The following SSH2 variants were observed in gnomAD, a reference collection of about 807,000 sequenced individuals.
SSH2 encodes the protein protein phosphatase Slingshot homolog 2.
SSH2 carries 37 observed loss-of-function variants against 135.2 expected under a neutral mutation model. The observed-to-expected ratio is 0.27, with a 90% CI of 0.21 to 0.36. The LOEUF (loss-of-function observed/expected upper bound fraction) is 0.36, where lower values mean the gene tolerates loss of function less well. Among genes scored for constraint, SSH2 ranks in the 10% least tolerant of loss-of-function variants. The pLI is 1.00. For synonymous variants in SSH2, 628 were observed against 646.2 expected, an observed-to-expected ratio of 0.97 and a Z score of 0.43; for missense variants, 1,408 against 1,765.3, an observed-to-expected ratio of 0.80 and a Z score of 3.63.
chr17:29,647,421 T>G (rs890975143), intron 14 of SSH2, among the ~76,000 whole-genome samples: 26 of 151,542 alleles, frequency 1.7e-4, no homozygotes, highest in Admixed American at 1.2e-3. Context: ...GAATTTCAGC[T>G]AAGCCTCGCA....
chr17:29,688,313 G>A (rs187349747), intron 5 of SSH2, among the ~76,000 whole-genome samples: 4 of 151,960 alleles, frequency 2.6e-5, no homozygotes, highest in African/African-American at 9.7e-5. Flanking sequence ...CCGGCCAGAT[G>A]TCTCTTTAAA....
chr17:29,716,800 AC>A, intron 3 of SSH2: 1 of 407,492 alleles, frequency 2.5e-6, no homozygotes, highest in Non-Finnish European at 4.6e-6. Flanking sequence ...CAATTTTTCT[AC>A]CCACTGGCAT....
At chr17:29,731,495 G>A (rs187562522) in intron 3 of SSH2, among the ~76,000 whole-genome samples, 11 of 150,270 alleles carry the variant, frequency 7.3e-5, no homozygotes, top group East Asian at 5.9e-4. Flanking sequence ...TCACTCTGTC[G>A]TCCAGGCTGG....
chr17:29,855,743 T>A (rs752039703), intron 1 of SSH2: 2 of 158,520 alleles, frequency 1.3e-5, no homozygotes, highest in African/African-American at 4.8e-5. Context: ...AATTCTTTCC[T>A]GTATCTACTG....
At chr17:29,673,642 A>G (rs1478329060) in intron 8 of SSH2, among the ~76,000 whole-genome samples, 1 of 152,060 alleles carries the variant, frequency 6.6e-6, no homozygotes, top group Non-Finnish European at 1.5e-5. Context: ...AAAATTAGGG[A>G]CCTCACAGAA....
At chr17:29,895,033 T>C (rs1034555453) in intron 1 of SSH2, among the ~76,000 whole-genome samples, 3 of 151,488 alleles carry the variant, frequency 2.0e-5, no homozygotes, top group Admixed American at 6.6e-5. Context: ...TTCTCTGACA[T>C]AGACTCTCCA....
chr17:29,869,349 A>C (rs1190136735), intron 1 of SSH2, among the ~76,000 whole-genome samples: 2 of 152,150 alleles, frequency 1.3e-5, no homozygotes, highest in African/African-American at 2.4e-5. Flanking sequence ...ATCCAAGCCA[A>C]CCATAACTTA....
At chr17:29,698,102 T>C (rs1311689341) in intron 4 of SSH2, among the ~76,000 whole-genome samples, 2 of 152,328 alleles carry the variant, frequency 1.3e-5, no homozygotes, top group Middle Eastern at 3.4e-3. Flanking sequence ...AATCCATTCA[T>C]ATGAATCCAT....
intron 11 of SSH2, among the ~76,000 whole-genome samples, chr17:29,658,719 T>C (rs2036893233): frequency 6.6e-6 from 1 of 151,836 alleles, no homozygotes; most frequent in South Asian, 2.1e-4. Flanking sequence ...AATACAAAAT[T>C]AGCCAGGTGT....
intron 4 of SSH2, 51 bp from the exon 5 acceptor site, chr17:29,695,574 CAG>C: frequency 6.6e-7 from 1 of 1,504,066 alleles, no homozygotes; most frequent in Non-Finnish European, 9.2e-7. Flanking sequence ...CTAATGTTGA[CAG>C]AGAGGATTCC....
chr17:29,850,201 C>G (rs1188504786), intron 1 of SSH2, among the ~76,000 whole-genome samples: 1 of 152,002 alleles, frequency 6.6e-6, no homozygotes, highest in Non-Finnish European at 1.5e-5. Flanking sequence ...TAGCTGGTAA[C>G]ATAGGAGTAT....
chr17:29,731,569 C>T (rs1459473105), intron 3 of SSH2, among the ~76,000 whole-genome samples: 1 of 152,030 alleles, frequency 6.6e-6, no homozygotes, highest in African/African-American at 2.4e-5. Flanking sequence ...GATTCTCGTG[C>T]CTCAGCCTCC....
At chr17:29,910,242 C>T (rs531025121) in intron 1 of SSH2, among the ~76,000 whole-genome samples, 1 of 152,146 alleles carries the variant, frequency 6.6e-6, no homozygotes, top group Non-Finnish European at 1.5e-5. Flanking sequence ...AGCCACCATG[C>T]CCAGCTCACT....
intron 3 of SSH2, among the ~76,000 whole-genome samples, chr17:29,771,623 A>C (rs1270820384): frequency 6.6e-6 from 1 of 152,182 alleles, no homozygotes; most frequent in Admixed American, 6.5e-5. Flanking sequence ...TCACACACAG[A>C]ATTCAGTAGA....
At chr17:29,847,749 C>A (rs1419127088) in intron 2 of SSH2, among the ~76,000 whole-genome samples, 1 of 152,180 alleles carries the variant, frequency 6.6e-6, no homozygotes, top group African/African-American at 2.4e-5. Flanking sequence ...GTGACAAGGG[C>A]AATCCCTGGC....
At position 29,671,936 on chromosome 17, in the gene SSH2, T is replaced by C. The variant is rs750044311; in HGVS notation, c.808A>G (p.Ile270Val). ...RPDSPALFTDIPTERERTERL... is the reference protein window; with the variant it reads ...RPDSPALFTDVPTERERTERL... ...ATAATCCTTAGCAAACTGACTTACA[T>C]GTCGGTGAAGAGAGCTGGAGAGTCG... Residue 270 changes from isoleucine to valine, a missense_variant and splice_region_variant, in exon 9 of 16, where the codon ATA (isoleucine) becomes GTA (valine). Around this residue, in one of 3 missense-constraint regions of SSH2, gnomAD observed 222 missense variants for 355.6 expected, o/e 0.62. Coordinates refer to ENST00000540801, the MANE Select transcript of SSH2 (RefSeq NM_001282129.2). 6.2e-6 allele frequency: 10 copies of C among 1,611,458 alleles called. No homozygotes were observed. Among genetic ancestry groups the C allele is most frequent in the South Asian group, 3.3e-5 (3 of 90,850 alleles).
At chr17:29,821,896 G>A (rs960164955) in intron 2 of SSH2, among the ~76,000 whole-genome samples, 12 of 151,944 alleles carry the variant, frequency 7.9e-5, no homozygotes, top group African/African-American at 2.7e-4. Flanking sequence ...TGCCCGCCTC[G>A]GCCTCCCAAG....
chr17:29,861,635 C>T (rs1426949481), intron 1 of SSH2, among the ~76,000 whole-genome samples: 1 of 151,920 alleles, frequency 6.6e-6, no homozygotes, highest in African/African-American at 2.4e-5. Context: ...GCGATCTCGG[C>T]TCACTGCAAC....
chr17:29,707,350 A>G (rs1013326187), intron 3 of SSH2, among the ~76,000 whole-genome samples: 2 of 152,194 alleles, frequency 1.3e-5, no homozygotes, highest in Admixed American at 1.3e-4. Context: ...GGTTAGTTCA[A>G]AGCCACCTGG....
Sources: allele counts gnomAD v4.1 joint callset (sites outside exome capture counted in the v4.1 genomes callset), GRCh38; gene constraint gnomAD v4.1.1; regional missense constraint gnomAD v4.1.1; transcripts MANE v1.5; gene names NCBI Gene and HGNC (gene_info 2026-07-23, HGNC 2026-07-21).